PLD5: variants seen among roughly 807,000 people sequenced by gnomAD.
The protein encoded by PLD5 is inactive phospholipase D5.
PLD5 carries 36 observed loss-of-function variants against 61.1 expected under a neutral mutation model. The ratio of observed to expected loss-of-function variants is 0.59; its 90% CI spans 0.45 to 0.78. The LOEUF (loss-of-function observed/expected upper bound fraction) is 0.78. Among genes scored for constraint, PLD5 ranks in the 30% least tolerant of loss-of-function variants. The pLI is 0.00. For synonymous variants in PLD5, 243 were observed against 242.8 expected, an observed-to-expected ratio of 1.00 and a Z score of -0.01; for missense variants, 515 against 644.4, an observed-to-expected ratio of 0.80 and a Z score of 2.17.
intron 1 of PLD5, among the ~76,000 whole-genome samples, chr1:242,426,561 T>C (rs1665439912): frequency 6.6e-6 from 1 of 152,182 alleles, no homozygotes; most frequent in Non-Finnish European, 1.5e-5. Context: ...ACTAGGCGAT[T>C]AGAGTTTTTC....
chr1:242,465,674 A>T (rs1040187033), intron 1 of PLD5, among the ~76,000 whole-genome samples: 2 of 152,150 alleles, frequency 1.3e-5, no homozygotes, highest in African/African-American at 4.8e-5. Flanking sequence ...TACGCCTGTA[A>T]TCCCAGCACT....
chr1:242,499,809 A>G (rs1266100504), intron 1 of PLD5, among the ~76,000 whole-genome samples: 1 of 152,168 alleles, frequency 6.6e-6, no homozygotes, highest in Non-Finnish European at 1.5e-5. Flanking sequence ...GGGATGGCTT[A>G]TATTTGCTTA....
intron 5 of PLD5, among the ~76,000 whole-genome samples, chr1:242,194,456 A>G (rs1322663695): frequency 1.3e-5 from 2 of 152,170 alleles, no homozygotes; most frequent in Non-Finnish European, 2.9e-5. Context: ...TGTACGAAAA[A>G]GATACTCACA....
chr1:242,527,007 C>T (rs1229284165), upstream of PLD5, among the ~76,000 whole-genome samples: 1 of 149,700 alleles, frequency 6.7e-6, no homozygotes, highest in Non-Finnish European at 1.5e-5. Flanking sequence ...AGAATTTAAA[C>T]AAATGGTTTC....
At chr1:242,351,147 C>G (rs1318348427) in intron 1 of PLD5, among the ~76,000 whole-genome samples, 1 of 152,112 alleles carries the variant, frequency 6.6e-6, no homozygotes, top group African/African-American at 2.4e-5. Context: ...GTGATCCACC[C>G]ACCTCAGTCT....
rs1209972545 is a variant in PLD5, at chr1:242,509,668, C to T, written c.189+14420G>A. ...CTGGGGATTGTTGTCTTCTTATTACCTCATTTTGTAACATTCCCTAGAGTG... is the reference window on the plus strand; with the variant it reads ...CTGGGGATTGTTGTCTTCTTATTACTTCATTTTGTAACATTCCCTAGAGTG... On this transcript the variant is annotated intron_variant, in intron 1 of 9. Transcript: ENST00000536534. Among the ~76,000 whole-genome samples the T allele has an allele frequency of 2.0e-5, 3 of 152,148 alleles. No homozygotes were observed. In the East Asian group the frequency reaches 5.8e-4, roughly 29 times the overall value.
rs1219653797 is a variant in PLD5 at position 242,086,526 on chromosome 1, A to C, written c.*3328T>G. 2 of 152,300 alleles carry C rather than the reference A, an allele frequency of 1.3e-5. No homozygotes were observed. The highest frequency in any genetic ancestry group is 2.9e-5 in the Non-Finnish European group (2 of 68,068). 9.4% of individuals were successfully genotyped at this position (152,300 alleles called of 1,614,324 possible). On this transcript the variant is annotated 3_prime_UTR_variant, in exon 10 of 10. Transcript: ENST00000536534. ...ATTTGATAGGCTAGTGGCCAGTGAC[A>C]ATGCAGTGGAGGCCCACAGTATTGA...
intron 8 of PLD5, among the ~76,000 whole-genome samples, chr1:242,104,706 G>A (rs769863638): frequency 2.6e-5 from 4 of 152,064 alleles, no homozygotes; most frequent in Non-Finnish European, 4.4e-5. Context: ...TTTTTGTAGA[G>A]ATGGGGGTCT....
At chr1:242,175,208 T>C (rs1365376376) in intron 5 of PLD5, among the ~76,000 whole-genome samples, 1 of 152,118 alleles carries the variant, frequency 6.6e-6, no homozygotes, top group African/African-American at 2.4e-5. Flanking sequence ...CTCAATAAAA[T>C]ACTGACAAAC....
At chr1:242,413,929 G>C (rs73132392) in intron 1 of PLD5, among the ~76,000 whole-genome samples, 5,650 of 152,212 alleles carry the variant, frequency 0.037, 363 homozygotes, top group African/African-American at 0.13. Context: ...AAGGAACCAA[G>C]ATTTTTGTCC....
At chr1:242,259,775 T>C (rs1356123161) in intron 4 of PLD5, among the ~76,000 whole-genome samples, 1 of 152,158 alleles carries the variant, frequency 6.6e-6, no homozygotes, top group Non-Finnish European at 1.5e-5. Flanking sequence ...TTAAATATTG[T>C]AGTCATATTA....
At chr1:242,153,205 T>A (rs1333883264) in intron 5 of PLD5, among the ~76,000 whole-genome samples, 3 of 152,178 alleles carry the variant, frequency 2.0e-5, no homozygotes, top group Non-Finnish European at 4.4e-5. Flanking sequence ...GATGGTTTTT[T>A]TTTCTTGTAA....
chr1:242,093,354 G>A (rs960679440), intron 9 of PLD5, among the ~76,000 whole-genome samples: 1 of 152,102 alleles, frequency 6.6e-6, no homozygotes, highest in South Asian at 2.1e-4. Context: ...AGGCTCCTGT[G>A]GTCTTGCATG....
intron 5 of PLD5, among the ~76,000 whole-genome samples, chr1:242,213,675 T>A (rs943906907): frequency 3.3e-5 from 5 of 151,702 alleles, no homozygotes; most frequent in African/African-American, 7.3e-5. Flanking sequence ...CAGTCCTGGA[T>A]TCTCCCAGAG....
At chr1:242,211,808 T>C (rs1035548495) in intron 5 of PLD5, among the ~76,000 whole-genome samples, 16 of 152,216 alleles carry the variant, frequency 1.1e-4, no homozygotes, top group African/African-American at 3.6e-4. Context: ...TTATTCAGGC[T>C]AGGGTTTCAT....
intron 5 of PLD5, among the ~76,000 whole-genome samples, chr1:242,219,346 G>A (rs868352911): frequency 1.6e-4 from 25 of 152,268 alleles, no homozygotes; most frequent in African/African-American, 5.5e-4. Flanking sequence ...AGAGGAAGAG[G>A]AGGGGAGTAT....
intron 8 of PLD5, among the ~76,000 whole-genome samples, chr1:242,104,255 C>A (rs2148676175): frequency 6.6e-6 from 1 of 151,452 alleles, no homozygotes; most frequent in South Asian, 2.1e-4. Context: ...TCCTGAGTCC[C>A]TAGGACTACA....
intron 5 of PLD5, among the ~76,000 whole-genome samples, chr1:242,159,794 C>G (rs1665681800): frequency 6.6e-6 from 1 of 152,118 alleles, no homozygotes; most frequent in African/African-American, 2.4e-5. Flanking sequence ...GCAGCAGCTG[C>G]TATTCTTCAA....
chr1:242,263,758 T>C (rs1673502500), intron 4 of PLD5, among the ~76,000 whole-genome samples: 1 of 152,264 alleles, frequency 6.6e-6, no homozygotes, highest in South Asian at 2.1e-4. Flanking sequence ...ATGCAATTAC[T>C]ATAATGAAAT....
Sources: allele counts gnomAD v4.1 joint callset (sites outside exome capture counted in the v4.1 genomes callset), GRCh38; gene constraint gnomAD v4.1.1; transcripts MANE v1.5; gene names NCBI Gene and HGNC (gene_info 2026-07-23, HGNC 2026-07-21).